NRG3: variants seen among roughly 807,000 people sequenced by gnomAD.
NRG3 encodes pro-neuregulin-3, membrane-bound isoform.
In NRG3, 31 loss-of-function variants were observed where a neutral mutation model predicts 66.9. The ratio of observed to expected loss-of-function variants is 0.46; its 90% CI spans 0.35 to 0.63. The LOEUF (loss-of-function observed/expected upper bound fraction) is 0.63. Ranked by LOEUF, NRG3 falls within the 20% of genes least tolerant of loss-of-function variation. The pLI is 0.00. For missense variants in NRG3, 910 were observed against 878.9 expected, an observed-to-expected ratio of 1.04 and a Z score of -0.45; for synonymous variants, 393 against 359.4, an observed-to-expected ratio of 1.09 and a Z score of -1.06.
chr10:82,686,478 G>A (rs778024339), intron 2 of NRG3, among the ~76,000 whole-genome samples: 1 of 152,060 alleles, frequency 6.6e-6, no homozygotes, highest in Non-Finnish European at 1.5e-5. Flanking sequence ...ACGAGCCACC[G>A]CGCCCTGCCC....
At chr10:82,901,103 G>A (rs907230659) in intron 4 of NRG3, among the ~76,000 whole-genome samples, 3 of 152,120 alleles carry the variant, frequency 2.0e-5, no homozygotes, top group Non-Finnish European at 2.9e-5. Flanking sequence ...TATAATGTCC[G>A]TTTGAACTGA....
intron 4 of NRG3, among the ~76,000 whole-genome samples, chr10:82,938,553 G>C (rs2132238800): frequency 6.6e-6 from 1 of 152,342 alleles, no homozygotes; most frequent in African/African-American, 2.4e-5. Context: ...GATTATGTTT[G>C]TAGATCTTCC....
intron 1 of NRG3, among the ~76,000 whole-genome samples, chr10:82,002,731 C>G (rs2061221697): frequency 6.6e-6 from 1 of 152,180 alleles, no homozygotes; most frequent in African/African-American, 2.4e-5. Flanking sequence ...ATACAAATTC[C>G]TGCTTCTTAT....
At chr10:82,448,527 G>A (rs796095095) in intron 2 of NRG3, among the ~76,000 whole-genome samples, 4 of 152,138 alleles carry the variant, frequency 2.6e-5, no homozygotes, top group South Asian at 2.1e-4. Context: ...TTTTGTGGAT[G>A]TAACAGATTT....
chr10:82,164,361 G>GATTTCAAGTCCTC (rs1274849027), intron 1 of NRG3, among the ~76,000 whole-genome samples: 2 of 152,120 alleles, frequency 1.3e-5, no homozygotes, highest in Non-Finnish European at 2.9e-5. Context: ...TGTGTTGGAA[G>GATTTCAAGTCCTC]ATTTCAAGTC....
At chr10:81,933,439 A>T (rs932375670) in intron 1 of NRG3, among the ~76,000 whole-genome samples, 1 of 152,128 alleles carries the variant, frequency 6.6e-6, no homozygotes. Flanking sequence ...TTATTATTTT[A>T]TTATTATACT....
chr10:82,215,632 A>G (rs1246597751), intron 1 of NRG3, among the ~76,000 whole-genome samples: 1 of 152,096 alleles, frequency 6.6e-6, no homozygotes, highest in Non-Finnish European at 1.5e-5. Context: ...CGATGGGTGA[A>G]GCAGGCATTT....
At chr10:82,260,164 G>A (rs1346416372) in intron 1 of NRG3, among the ~76,000 whole-genome samples, 1 of 152,158 alleles carries the variant, frequency 6.6e-6, no homozygotes, top group Non-Finnish European at 1.5e-5. Flanking sequence ...TCATAGTCAG[G>A]CTAAAGGGCT....
chr10:82,816,653 C>A (rs188708331), intron 3 of NRG3, among the ~76,000 whole-genome samples: 1 of 152,252 alleles, frequency 6.6e-6, no homozygotes, highest in Admixed American at 6.5e-5. Context: ...AGCCTGTCTG[C>A]CTCCTACTTC....
chr10:82,947,886 G>A (rs1174917142), intron 4 of NRG3, among the ~76,000 whole-genome samples: 1 of 151,962 alleles, frequency 6.6e-6, no homozygotes, highest in Non-Finnish European at 1.5e-5. Context: ...TTTCATAATG[G>A]TGTCTTTGAA....
intron 1 of NRG3, among the ~76,000 whole-genome samples, chr10:82,070,948 A>C (rs1258920412): frequency 2.6e-5 from 4 of 152,230 alleles, no homozygotes; most frequent in Admixed American, 2.6e-4. Flanking sequence ...AATTGTTCAA[A>C]AGAATACTTG....
At chr10:82,401,489 C>A (rs1475914175) in intron 2 of NRG3, among the ~76,000 whole-genome samples, 1 of 152,056 alleles carries the variant, frequency 6.6e-6, no homozygotes, top group Non-Finnish European at 1.5e-5. Flanking sequence ...GGCAGGATCA[C>A]AGGACAGCTT....
intron 1 of NRG3, among the ~76,000 whole-genome samples, chr10:82,179,323 A>G (rs892210935): frequency 6.6e-6 from 1 of 151,996 alleles, no homozygotes; most frequent in African/African-American, 2.4e-5. Flanking sequence ...TGCATTTCCA[A>G]GAATAATGTC....
intron 1 of NRG3, among the ~76,000 whole-genome samples, chr10:82,133,503 CAT>C (rs1365160852): frequency 6.6e-6 from 1 of 152,166 alleles, no homozygotes; most frequent in Non-Finnish European, 1.5e-5. Flanking sequence ...TATGTGAGAA[CAT>C]GTGGTATTTG....
At chr10:82,571,840 T>A (rs2045755542) in intron 2 of NRG3, among the ~76,000 whole-genome samples, 1 of 151,620 alleles carries the variant, frequency 6.6e-6, no homozygotes, top group South Asian at 2.1e-4. Context: ...AAAATGTATA[T>A]ACAAATGTAT....
chr10:82,854,396 G>A (rs1248241711), intron 3 of NRG3, among the ~76,000 whole-genome samples: 2 of 152,132 alleles, frequency 1.3e-5, no homozygotes, highest in African/African-American at 4.8e-5. Flanking sequence ...GTTCTATTTC[G>A]GGGAGTGTGA....
At chr10:82,878,760 A>G (rs926256441) in intron 4 of NRG3, among the ~76,000 whole-genome samples, 12 of 152,308 alleles carry the variant, frequency 7.9e-5, no homozygotes, top group Middle Eastern at 3.4e-3. Context: ...GATTACATAT[A>G]ACTTTTTCCT....
intron 2 of NRG3, among the ~76,000 whole-genome samples, chr10:82,664,482 G>A (rs1332240298): frequency 1.3e-5 from 2 of 152,154 alleles, no homozygotes; most frequent in Non-Finnish European, 2.9e-5. Context: ...TTAATAGGAA[G>A]ATTGGTTTCA....
intron 2 of NRG3, among the ~76,000 whole-genome samples, chr10:82,501,817 A>G (rs142949608): frequency 1.3e-5 from 2 of 152,200 alleles, no homozygotes; most frequent in East Asian, 3.9e-4. Context: ...TCCATAGCTG[A>G]TATTATTAAT....
Sources: allele counts gnomAD v4.1 joint callset (sites outside exome capture counted in the v4.1 genomes callset), GRCh38; gene constraint gnomAD v4.1.1; transcripts MANE v1.5; gene names NCBI Gene and HGNC (gene_info 2026-07-23, HGNC 2026-07-21).